PTPRT: variants seen among roughly 807,000 people sequenced by gnomAD.
The protein encoded by PTPRT is protein tyrosine phosphatase receptor type T.
PTPRT carries 56 observed loss-of-function variants against 176.8 expected under a neutral mutation model. The ratio of observed to expected loss-of-function variants is 0.32; its 90% confidence interval spans 0.26 to 0.40. The LOEUF (loss-of-function observed/expected upper bound fraction) is 0.40. PTPRT is among the 10% of genes least tolerant of loss of function. The probability of loss-of-function intolerance (pLI) is 1.00; values close to 1 mark genes in which losing one functional copy is unlikely to be tolerated. For synonymous variants in PTPRT, 783 were observed against 739.0 expected (o/e 1.06, Z -0.96); for missense variants, 1,540 against 1,908.2 (o/e 0.81, Z 3.60).
At chr20:42,511,010 G>T (rs1228386322) in intron 7 of PTPRT, among the ~76,000 whole-genome samples, 1 of 152,032 alleles carries the variant, frequency 6.6e-6, no homozygotes, top group African/African-American at 2.4e-5. Flanking sequence ...TGGATTGATG[G>T]ATTAAGGGGT....
the PTPRT span, among the ~76,000 whole-genome samples, chr20:42,042,829 A>G: frequency 6.6e-6 from 1 of 152,260 alleles, no homozygotes; most frequent in African/African-American, 2.4e-5. Flanking sequence ...TCAGGACCAC[A>G]GTCTTCCTGA....
intron 7 of PTPRT, among the ~76,000 whole-genome samples, chr20:42,640,929 T>C (rs529913679): frequency 2.0e-4 from 30 of 152,268 alleles, no homozygotes; most frequent in African/African-American, 7.2e-4. Context: ...ATTTTAATCA[T>C]TGTGTATGTT....
At chr20:42,542,254 A>C (rs954693293) in intron 7 of PTPRT, among the ~76,000 whole-genome samples, 33 of 152,278 alleles carry the variant, frequency 2.2e-4, no homozygotes, top group African/African-American at 7.7e-4. Context: ...TTAATATACT[A>C]TGTCAAAAAC....
At chr20:42,053,803 A>G in the PTPRT span, among the ~76,000 whole-genome samples, 1 of 152,194 alleles carries the variant, frequency 6.6e-6, no homozygotes, top group African/African-American at 2.4e-5. Flanking sequence ...TTTAGCACCT[A>G]TTTGGAGCCA....
In PTPRT at chr20:42,099,545, GC is replaced by G. The variant is rs201340628; in HGVS notation, c.3715-994del. The stretch of plus-strand genomic sequence containing the variant: ...CAGAGGCCCAGAGAAAATGGCCTGG[GC>G]GGGGGGGGGGGGGGTGGGGTGGTCT... On this transcript the variant is annotated intron_variant, in intron 26 of 30. Coordinates refer to ENST00000373187, the MANE Select transcript of PTPRT (RefSeq NM_007050.6). Among the ~76,000 whole-genome samples, 14 of 51,516 alleles carry G rather than the reference GC, an allele frequency of 2.7e-4. 1 individual carries two copies. The highest frequency in any genetic ancestry group is 3.6e-4 in the Non-Finnish European group (7 of 19,714). 33.8% of individuals were successfully genotyped at this position (51,516 alleles called of 152,430 possible). A position where few individuals can be genotyped will look rare whatever the true frequency, so the allele number is the denominator to read the frequency against.
chr20:42,659,060 C>A (rs968723707), intron 7 of PTPRT, among the ~76,000 whole-genome samples: 3 of 152,042 alleles, frequency 2.0e-5, no homozygotes, highest in Non-Finnish European at 2.9e-5. Flanking sequence ...TAGTGTTTTT[C>A]TGTATCTTCC....
At chr20:42,229,661 C>A (rs985055202) in intron 15 of PTPRT, among the ~76,000 whole-genome samples, 2 of 152,126 alleles carry the variant, frequency 1.3e-5, no homozygotes, top group African/African-American at 4.8e-5. Flanking sequence ...ACATTATGTC[C>A]ATTGAATCTT....
At chr20:42,898,257 G>A (rs1487955893) in intron 1 of PTPRT, among the ~76,000 whole-genome samples, 1 of 152,160 alleles carries the variant, frequency 6.6e-6, no homozygotes, top group African/African-American at 2.4e-5. Context: ...CACCCAGGCT[G>A]GAGTGCAGTG....
chr20:42,536,366 A>G (rs6030307), intron 7 of PTPRT, among the ~76,000 whole-genome samples: 139,824 of 152,210 alleles, frequency 0.92, 64,271 homozygotes, highest in East Asian at 0.93. Flanking sequence ...TGATGTACCC[A>G]TTGGCAGATG....
intron 8 of PTPRT, among the ~76,000 whole-genome samples, chr20:42,464,307 A>C (rs756763581): frequency 1.1e-3 from 166 of 152,302 alleles, no homozygotes; most frequent in Non-Finnish European, 1.7e-3. Context: ...CACAAAACAA[A>C]GTTTCTATTC....
chr20:42,541,984 T>C (rs2072591319), intron 7 of PTPRT, among the ~76,000 whole-genome samples: 1 of 152,082 alleles, frequency 6.6e-6, no homozygotes, highest in African/African-American at 2.4e-5. Flanking sequence ...TGGGAAAAAA[T>C]TGAATCATGG....
At chr20:42,603,710 T>C (rs1179881284) in intron 7 of PTPRT, among the ~76,000 whole-genome samples, 1 of 152,188 alleles carries the variant, frequency 6.6e-6, no homozygotes, top group Non-Finnish European at 1.5e-5. Context: ...CATTTAGAAG[T>C]GGAACCTGGA....
chr20:42,337,251 A>G (rs1007658868), intron 11 of PTPRT, among the ~76,000 whole-genome samples: 2 of 152,200 alleles, frequency 1.3e-5, no homozygotes, highest in Admixed American at 6.6e-5. Flanking sequence ...CCAACTTACA[A>G]TGTGTCAGAA....
At chr20:43,183,987 A>T (rs1338996859) in intron 1 of PTPRT, among the ~76,000 whole-genome samples, 3 of 152,166 alleles carry the variant, frequency 2.0e-5, no homozygotes, top group Non-Finnish European at 2.9e-5. Flanking sequence ...TTCTGTGGAC[A>T]TATGTTTTCA....
rs1600717461 is a variant in PTPRT at position 42,769,136 on chromosome 20, G to C, written c.684+2299C>G. ...TGGAGGTTTCTTATGCTCTCCTGTG[G>C]TCTGTAAGCAACCCTGGGAAGCAGA... On this transcript the variant is annotated intron_variant, in intron 5 of 30. Transcript: ENST00000373187. Among the ~76,000 whole-genome samples the C allele has an allele frequency of 3.3e-5, 5 of 152,302 alleles. No homozygotes were observed. The South Asian group carries it at 1.0e-3, about 32-fold the overall frequency.
At chr20:42,391,063 G>C (rs749229127) in intron 9 of PTPRT, among the ~76,000 whole-genome samples, 1 of 152,174 alleles carries the variant, frequency 6.6e-6, no homozygotes, top group Non-Finnish European at 1.5e-5. Flanking sequence ...CACAAATTGA[G>C]TAATATGTAG....
chr20:43,169,778 C>T (rs2014949451), intron 1 of PTPRT, among the ~76,000 whole-genome samples: 1 of 152,184 alleles, frequency 6.6e-6, no homozygotes, highest in African/African-American at 2.4e-5. Flanking sequence ...CTCCCTGAAG[C>T]AGCCTTCTCC....
intron 7 of PTPRT, among the ~76,000 whole-genome samples, chr20:42,668,854 G>C (rs1284439070): frequency 8.3e-6 from 1 of 121,152 alleles, no homozygotes; most frequent in Admixed American, 9.5e-5. Context: ...ACCACGCCCA[G>C]CTAATTTTTT....
chr20:42,373,537 C>T (rs1282207060), intron 9 of PTPRT, among the ~76,000 whole-genome samples: 2 of 152,166 alleles, frequency 1.3e-5, no homozygotes, highest in Non-Finnish European at 2.9e-5. Flanking sequence ...ATCTAACAGC[C>T]TTTGATGCTA....
Sources: gnomAD v4.1 joint callset for allele counts (sites outside exome capture counted in the v4.1 genomes callset) on GRCh38, gnomAD v4.1.1 for gene constraint, MANE v1.5 for transcripts, NCBI Gene and HGNC (gene_info 2026-07-23, HGNC 2026-07-21) for gene names.